TJP1: variants seen among roughly 807,000 people sequenced by gnomAD.
TJP1 encodes tight junction protein ZO-1.
Under a neutral mutation model 194.2 loss-of-function variants are expected in TJP1, and 43 were observed. The ratio of observed to expected loss-of-function variants is 0.22; its 90% CI spans 0.17 to 0.29. The LOEUF is 0.29. Among genes scored for constraint, TJP1 ranks in the 10% least tolerant of loss-of-function variants. TJP1 has a pLI of 1.00. For missense variants in TJP1, 1,971 were observed against 2,185.7 expected (o/e 0.90, Z 1.96); for synonymous variants, 801 against 779.0 (o/e 1.03, Z -0.47).
chr15:29,734,216 C>T, intron 12 of TJP1, 58 bp downstream of exon 12: 1 of 1,199,266 alleles, frequency 8.3e-7, no homozygotes, highest in South Asian at 1.4e-5. Flanking sequence ...GAATAAATCC[C>T]TTTGTAAGTC....
Position 29,947,829 on chromosome 15 carries a change from T to G in TJP1, c.306+8403A>C, listed in dbSNP as rs148525806. 3.8e-3 allele frequency among the ~76,000 whole-genome samples: 579 copies of G among 152,262 alleles called. 6 individuals carry two copies. Among genetic ancestry groups the G allele is most frequent in the African/African-American group, 0.013 (554 of 41,556 alleles). On this transcript the variant is annotated intron_variant, in intron 2 of 28. Coordinates refer to the TJP1 transcript ENST00000356107. Reference sequence around the variant, plus strand: ...ACCTAGAGACTGGACGAATGAGGGCTGAGGCCTATAAAACGAGGGCAGCCT... The same window carrying G: ...ACCTAGAGACTGGACGAATGAGGGCGGAGGCCTATAAAACGAGGGCAGCCT...
At chr15:29,778,037 G>T (rs1477591721) in intron 2 of TJP1, among the ~76,000 whole-genome samples, 1 of 151,894 alleles carries the variant, frequency 6.6e-6, no homozygotes, top group East Asian at 1.9e-4. Context: ...AACATAAAAA[G>T]ATTAAAAAAA....
In TJP1 at chr15:29,719,807, T is replaced by C. The variant is rs781734206; in HGVS notation, c.2973A>G (p.Pro991=). ...TTGGATCTACATGCGACGACAATGATGGTTCTTGATCTCTTAGCATTATGT... is the reference window on the plus strand; with the variant it reads ...TTGGATCTACATGCGACGACAATGACGGTTCTTGATCTCTTAGCATTATGT... The part of the protein sequence containing the change: ...AAHIMLRDQE[P]SLSSHVDPTK... Residue 991 remains proline, a synonymous_variant, in exon 20 of 28, where the codon CCA becomes CCG. Transcript: ENST00000614355. 3.7e-6 allele frequency: 6 copies of C among 1,613,906 alleles called. No homozygotes were observed. The highest frequency in any genetic ancestry group is 4.2e-6 in the Non-Finnish European group (5 of 1,179,972).
chr15:29,883,999 C>A (rs1411098885), intron 2 of TJP1, among the ~76,000 whole-genome samples: 2 of 151,994 alleles, frequency 1.3e-5, no homozygotes, highest in Non-Finnish European at 2.9e-5. Context: ...GTAAAAATTC[C>A]CAGGAAAACG....
At position 29,710,879 on chromosome 15, in the gene TJP1, C is replaced by T. The variant is rs1299882428; in HGVS notation, c.4324G>A (p.Val1442Ile). The T allele has an allele frequency of 6.2e-7, 1 of 1,614,108 alleles. No individual in the cohort carries two copies. The highest frequency in any genetic ancestry group is 8.5e-7 in the Non-Finnish European group (1 of 1,180,040). The change falls in exon 24 of 28, where the codon GTC becomes ATC. Residue 1442 changes from valine to isoleucine, a missense_variant. Val to Ile is a conservative substitution (Grantham distance 29). Coordinates refer to ENST00000614355, the MANE Select transcript of TJP1 (RefSeq NM_001330239.4). Reference protein sequence around the residue: ...PSQYAQPSQPVTSASLHIHSK... With the variant: ...PSQYAQPSQPITSASLHIHSK... Reference sequence around the variant, plus strand: ...TGTATGTGGAGAGACGCGCTGGTGACAGGCTGAGATGGCTGGGCATACTGC... The same window carrying T: ...TGTATGTGGAGAGACGCGCTGGTGATAGGCTGAGATGGCTGGGCATACTGC...
chr15:29,809,288 G>C (rs759363887), intron 1 of TJP1, among the ~76,000 whole-genome samples: 3 of 152,078 alleles, frequency 2.0e-5, no homozygotes, highest in African/African-American at 7.2e-5. Context: ...TACTACATTA[G>C]ACAGAATTGC....
At position 29,822,387 on chromosome 15, in the gene TJP1, C is replaced by G. The variant is rs2050458527; in HGVS notation, c.-359G>C. 9.9e-7 allele frequency: 1 copy of G among 1,013,102 alleles called. No individual in the cohort carries two copies. The highest frequency in any genetic ancestry group is 1.7e-5 in the African/African-American group (1 of 58,276). The allele number at this position is 1,013,102 out of a possible 1,614,324, so 62.8% of individuals were successfully genotyped here. On this transcript the variant is annotated 5_prime_UTR_variant, in exon 1 of 28. Coordinates refer to ENST00000614355, the MANE Select transcript of TJP1 (RefSeq NM_001330239.4). ...GGCGTCTCCTCGGAAGCCGGCTTCG[C>G]CACGTAACTTCCCGGGAACCGGCGG... is the stretch of plus-strand genomic sequence containing the variant.
At chr15:29,808,292 G>T (rs1292539018) in intron 1 of TJP1, among the ~76,000 whole-genome samples, 2 of 129,542 alleles carry the variant, frequency 1.5e-5, no homozygotes, top group Non-Finnish European at 1.7e-5. Flanking sequence ...CAAGAAACAG[G>T]GAAAAGTGAT....
At chr15:29,796,726 A>T (rs2048438131) in intron 2 of TJP1, among the ~76,000 whole-genome samples, 3 of 152,198 alleles carry the variant, frequency 2.0e-5, no homozygotes, top group African/African-American at 7.2e-5. Flanking sequence ...AGCCAAAATA[A>T]TTTTAAAAAG....
At chr15:29,909,464 C>T (rs1596237631) in intron 2 of TJP1, among the ~76,000 whole-genome samples, 1 of 151,776 alleles carries the variant, frequency 6.6e-6, no homozygotes, top group African/African-American at 2.4e-5. Context: ...TGAAGACAAA[C>T]CCTCACCTTA....
chr15:29,804,334 A>G (rs1243126611), intron 1 of TJP1, among the ~76,000 whole-genome samples: 1 of 152,210 alleles, frequency 6.6e-6, no homozygotes, highest in Non-Finnish European at 1.5e-5. Context: ...AAGTGATCAT[A>G]ATAAAATGCT....
upstream of TJP1, among the ~76,000 whole-genome samples, chr15:29,825,523 T>A (rs1215120902): frequency 6.6e-6 from 1 of 152,192 alleles, no homozygotes; most frequent in East Asian, 1.9e-4. Flanking sequence ...TCTTTACACA[T>A]TTTAGATAGA....
At chr15:29,820,848 C>G (rs911848408) in intron 1 of TJP1, among the ~76,000 whole-genome samples, 1 of 152,130 alleles carries the variant, frequency 6.6e-6, no homozygotes, top group Non-Finnish European at 1.5e-5. Flanking sequence ...ATACTATATC[C>G]CTTAAAACAA....
chr15:29,785,920 T>C (rs1477877442), intron 2 of TJP1, among the ~76,000 whole-genome samples: 1 of 152,218 alleles, frequency 6.6e-6, no homozygotes, highest in Non-Finnish European at 1.5e-5. Flanking sequence ...CATGACCTTA[T>C]GGAAGACCTC....
At chr15:29,799,643 C>T (rs2048651594) in intron 2 of TJP1, among the ~76,000 whole-genome samples, 1 of 152,096 alleles carries the variant, frequency 6.6e-6, no homozygotes, top group Admixed American at 6.5e-5. Flanking sequence ...TCTCAATCTC[C>T]TGACCTCGTG....
chr15:29,848,819 A>G (rs2051520625), intron 2 of TJP1, among the ~76,000 whole-genome samples: 1 of 152,106 alleles, frequency 6.6e-6, no homozygotes, highest in South Asian at 2.1e-4. Flanking sequence ...AGATCACACC[A>G]CTGAACACCA....
chr15:29,738,522 TA>T (rs1483880606), intron 10 of TJP1, among the ~76,000 whole-genome samples: 1 of 152,054 alleles, frequency 6.6e-6, no homozygotes, highest in Non-Finnish European at 1.5e-5. Context: ...CAGCTAGTCA[TA>T]AAAGTAAGAG....
chr15:29,830,866 G>A (rs1387902076), intron 2 of TJP1, among the ~76,000 whole-genome samples: 1 of 152,130 alleles, frequency 6.6e-6, no homozygotes, highest in African/African-American at 2.4e-5. Flanking sequence ...AAGCAAGGAA[G>A]TTCTCAAAGA....
At chr15:29,917,937 C>G (rs2054237356) in intron 2 of TJP1, among the ~76,000 whole-genome samples, 1 of 152,180 alleles carries the variant, frequency 6.6e-6, no homozygotes, top group Admixed American at 6.5e-5. Context: ...ATCTCTGGGA[C>G]TTTTTCATCT....
Sources: gnomAD v4.1 joint callset for allele counts (sites outside exome capture counted in the v4.1 genomes callset) on GRCh38, gnomAD v4.1.1 for gene constraint, MANE v1.5 for transcripts, NCBI Gene and HGNC (gene_info 2026-07-23, HGNC 2026-07-21) for gene names.